The following RBFOX1 variants were observed in gnomAD, a reference collection of about 807,000 sequenced individuals.
RBFOX1 encodes the protein RNA binding protein fox-1 homolog 1.
In RBFOX1, 8 loss-of-function variants were observed where a neutral mutation model predicts 57.7. The ratio of observed to expected loss-of-function variants is 0.14; its 90% CI spans 0.08 to 0.25. The LOEUF (loss-of-function observed/expected upper bound fraction) is 0.25, where lower values mean the gene tolerates loss of function less well. Among genes scored for constraint, RBFOX1 ranks in the 10% least tolerant of loss-of-function variants. The pLI is 1.00. For synonymous variants in RBFOX1, 326 were observed against 222.4 expected, an observed-to-expected ratio of 1.47 and a Z score of -4.15; for missense variants, 611 against 548.5, an observed-to-expected ratio of 1.11 and a Z score of -1.14.
intron 4 of RBFOX1, among the ~76,000 whole-genome samples, chr16:7,496,691 CT>C (rs71147702): frequency 0.015 from 2,144 of 139,148 alleles, 55 homozygotes; most frequent in African/African-American, 0.052. Context: ...TTAACAAAGA[CT>C]TTTTTTTTTT....
intron 4 of RBFOX1, among the ~76,000 whole-genome samples, chr16:7,164,993 C>G (rs1334029337): frequency 6.6e-6 from 1 of 152,144 alleles, no homozygotes; most frequent in Non-Finnish European, 1.5e-5. Flanking sequence ...AATTTGGAGC[C>G]CTATAAAACA....
chr16:5,334,137 T>C (rs78020561), intron 1 of RBFOX1, among the ~76,000 whole-genome samples: 4,956 of 152,180 alleles, frequency 0.033, 277 homozygotes, highest in African/African-American at 0.11. Flanking sequence ...GGAATGTTTG[T>C]GTGGAGGAGA....
chr16:7,114,902 A>G (rs1246555741), intron 4 of RBFOX1, among the ~76,000 whole-genome samples: 1 of 152,208 alleles, frequency 6.6e-6, no homozygotes, highest in East Asian at 1.9e-4. Context: ...GCAAACCAAA[A>G]TTTGGAAAAT....
At chr16:7,211,427 C>G (rs572860897) in intron 4 of RBFOX1, among the ~76,000 whole-genome samples, 299 of 145,786 alleles carry the variant, frequency 2.1e-3, no homozygotes, top group African/African-American at 7.0e-3. Flanking sequence ...ACTCTGGTTT[C>G]TAAATTTAAA....
intron 3 of RBFOX1, among the ~76,000 whole-genome samples, chr16:6,808,978 G>T (rs1296871626): frequency 6.6e-6 from 1 of 152,178 alleles, no homozygotes; most frequent in African/African-American, 2.4e-5. Flanking sequence ...TGGATGAACT[G>T]TAACCTAGCT....
intron 4 of RBFOX1, among the ~76,000 whole-genome samples, chr16:5,932,908 C>T (rs2059095011): frequency 6.6e-6 from 1 of 152,018 alleles, no homozygotes; most frequent in Non-Finnish European, 1.5e-5. Context: ...ATTTCCCTTC[C>T]TGGCAAAGAA....
intron 3 of RBFOX1, among the ~76,000 whole-genome samples, chr16:7,047,127 T>G (rs757552759): frequency 6.6e-6 from 1 of 151,540 alleles, no homozygotes; most frequent in Non-Finnish European, 1.5e-5. Flanking sequence ...CATTTACTCA[T>G]ATGTTTACCA....
At chr16:5,363,944 C>T (rs377090816) in intron 1 of RBFOX1, among the ~76,000 whole-genome samples, 4 of 152,202 alleles carry the variant, frequency 2.6e-5, no homozygotes, top group Non-Finnish European at 5.9e-5. Context: ...TCCAGCTGGT[C>T]TCTGCTTTGC....
At chr16:5,512,762 A>T (rs751285014) in intron 2 of RBFOX1, among the ~76,000 whole-genome samples, 11 of 152,166 alleles carry the variant, frequency 7.2e-5, no homozygotes, top group Non-Finnish European at 1.2e-4. Context: ...ACAGACCCGT[A>T]TTGATGCATT....
chr16:6,347,463 C>A (rs546837173), intron 2 of RBFOX1, among the ~76,000 whole-genome samples: 1 of 152,294 alleles, frequency 6.6e-6, no homozygotes, highest in East Asian at 1.9e-4. Context: ...GAGTTAATTA[C>A]AAATGCAATA....
intron 1 of RBFOX1, among the ~76,000 whole-genome samples, chr16:6,169,449 A>G (rs1598010544): frequency 1.3e-5 from 2 of 152,208 alleles, no homozygotes; most frequent in East Asian, 3.9e-4. Context: ...TGATGAAAAA[A>G]AAAGCTTCAG....
chr16:5,694,591 A>G lies in RBFOX1; in HGVS notation c.318+95630A>G, dbSNP rs147232869. On this transcript the variant is annotated intron_variant, in intron 3 of 19. Coordinates refer to the RBFOX1 transcript ENST00000641259. ...AGCTTTTCCTGTTCCACACTCTAAG[A>G]TCACCACTGTGCTAGGGTTTGGGTT... Among the ~76,000 whole-genome samples the G allele has an allele frequency of 1.2e-4, 19 of 152,122 alleles. No homozygotes were observed. In the East Asian group the frequency reaches 3.3e-3, roughly 26 times the overall value.
Position 6,149,885 on chromosome 16 carries a change from C to T in RBFOX1, c.-127+129893C>T, listed in dbSNP as rs372974661. ...GGTTTGCCAACTCTAAATTGCTATA[C>T]AAATAAGTCCTGATTATGTGCACTG... On this transcript the variant is annotated intron_variant, in intron 1 of 15. Coordinates refer to ENST00000550418, the MANE Select transcript of RBFOX1 (RefSeq NM_018723.4). Among the ~76,000 whole-genome samples the T allele has an allele frequency of 5.3e-5, 8 of 152,194 alleles. No homozygotes were observed. In the East Asian group the frequency reaches 7.7e-4, roughly 15 times the overall value.
chr16:6,258,064 T>C (rs2097679547), intron 1 of RBFOX1, among the ~76,000 whole-genome samples: 1 of 152,214 alleles, frequency 6.6e-6, no homozygotes, highest in South Asian at 2.1e-4. Context: ...ATTCCCTTTG[T>C]GTCCGCATGA....
Position 7,697,547 on chromosome 16 carries a change from TATG to T in RBFOX1, c.996-11506_996-11504del, listed in dbSNP as rs1598360406. ...TGTATATGTATAATGCATGCATATG[TATG>T]ATAAACTATATATGCATGTATATAT... On this transcript the variant is annotated intron_variant, in intron 14 of 15. Coordinates refer to ENST00000550418, the MANE Select transcript of RBFOX1 (RefSeq NM_018723.4). Among the ~76,000 whole-genome samples the T allele has an allele frequency of 2.0e-5, 3 of 152,168 alleles. No individual in the cohort carries two copies. In the East Asian group the frequency reaches 5.8e-4, roughly 29 times the overall value.
intron 1 of RBFOX1, among the ~76,000 whole-genome samples, chr16:6,070,215 G>T (rs1447894341): frequency 6.6e-6 from 1 of 152,084 alleles, no homozygotes; most frequent in Non-Finnish European, 1.5e-5. Context: ...TCATCCCTGG[G>T]GAGATTTTGA....
intron 4 of RBFOX1, among the ~76,000 whole-genome samples, chr16:7,082,575 T>A (rs866328471): frequency 0.012 from 1,788 of 150,426 alleles, 18 homozygotes; most frequent in African/African-American, 0.024. Flanking sequence ...AAAAAAAAAA[T>A]AAAAATTAAA....
chr16:7,592,547 C>A (rs1176693736), intron 7 of RBFOX1, among the ~76,000 whole-genome samples: 1 of 152,150 alleles, frequency 6.6e-6, no homozygotes, highest in East Asian at 1.9e-4. Context: ...ACCACCTGGC[C>A]CTCCAGCTAT....
intron 2 of RBFOX1, among the ~76,000 whole-genome samples, chr16:6,457,985 A>G (rs1202086784): frequency 6.7e-6 from 1 of 148,440 alleles, no homozygotes; most frequent in Non-Finnish European, 1.5e-5. Flanking sequence ...GTGCACACAC[A>G]TACATAGGTT....
Sources: allele counts gnomAD v4.1 joint callset (sites outside exome capture counted in the v4.1 genomes callset), GRCh38; gene constraint gnomAD v4.1.1; transcripts MANE v1.5; gene names NCBI Gene and HGNC (gene_info 2026-07-23, HGNC 2026-07-21).